NUP214: variants seen among roughly 807,000 people sequenced by gnomAD.
NUP214 encodes nucleoporin 214, also known as nuclear pore complex protein Nup214.
NUP214 carries 79 observed loss-of-function variants against 196.2 expected under a neutral mutation model. That is an observed-to-expected ratio of 0.40 (90% CI 0.34 to 0.49). The LOEUF is 0.49. NUP214 is among the 20% of genes least tolerant of loss of function. The pLI, the probability that NUP214 is intolerant of heterozygous loss-of-function variation, is 0.58. For synonymous variants in NUP214, 1,020 were observed against 990.5 expected, an observed-to-expected ratio of 1.03 and a Z score of -0.56; for missense variants, 2,468 against 2,539.0, an observed-to-expected ratio of 0.97 and a Z score of 0.60.
chr9:131,206,539 G>A (rs1432812237), intron 30 of NUP214, among the ~76,000 whole-genome samples: 1 of 151,806 alleles, frequency 6.6e-6, no homozygotes, highest in African/African-American at 2.4e-5. Context: ...TGATCTCCTG[G>A]GCTCAAGCAG....
At chr9:131,187,172 C>T in intron 24 of NUP214, 117 bp from the exon 25 acceptor site, 1 of 777,706 alleles carries the variant, frequency 1.3e-6, no homozygotes, top group Non-Finnish European at 2.2e-6. Context: ...GGGTCCCATG[C>T]ATCTGTATCC....
At position 131,132,623 on chromosome 9, in the gene NUP214, T is replaced by A. The variant is rs1430340345; in HGVS notation, c.691T>A (p.Cys231Ser). The change falls in exon 6 of 36, where the codon TGT (cysteine) becomes AGT (serine). Residue 231 changes from cysteine (C) to serine (S), a missense_variant. By Grantham distance (112) the Cys-to-Ser change is moderately radical. Coordinates refer to ENST00000359428, the MANE Select transcript of NUP214 (RefSeq NM_005085.4). ...PTLQEKKVIPCPPFYESDHPV... is the reference protein window; with the variant it reads ...PTLQEKKVIPSPPFYESDHPV... ...TTTGCAGGAAAAAAAAGTCATTCCT[T>A]GTCCTCCGTTTTATGAGTCAGATCA... 6.2e-7 allele frequency: 1 copy of A among 1,614,186 alleles called. No homozygotes were observed. Among genetic ancestry groups the A allele is most frequent in the South Asian group, 1.1e-5 (1 of 91,088 alleles).
chr9:131,199,051 C>G (rs373498118), intron 29 of NUP214, 36 bp downstream of exon 29: 10 of 1,542,244 alleles, frequency 6.5e-6, no homozygotes, highest in African/African-American at 1.4e-5. Context: ...TTGTTTCCCT[C>G]TCTGCTATTT....
At chr9:131,190,664 C>A in intron 26 of NUP214, 1 of 513,918 alleles carries the variant, frequency 1.9e-6, no homozygotes, top group Non-Finnish European at 3.4e-6. Context: ...CTATTACATG[C>A]CCAGAAAAAG....
chr9:131,192,111 C>A, intron 26 of NUP214, 97 bp from the exon 27 acceptor site: 1 of 810,500 alleles, frequency 1.2e-6, no homozygotes, highest in Non-Finnish European at 1.8e-6. Context: ...CAGCACCTCA[C>A]AGGCTGAGCT....
chr9:131,148,587 T>C (rs562989693), intron 14 of NUP214, among the ~76,000 whole-genome samples: 1 of 152,378 alleles, frequency 6.6e-6, no homozygotes, highest in Non-Finnish European at 1.5e-5. Context: ...CTCTTGGTAT[T>C]TTTCATCTTT....
intron 7 of NUP214, 95 bp downstream of exon 7, chr9:131,133,304 GTT>G (rs751108620): frequency 0.026 from 10,829 of 412,828 alleles, no homozygotes; most frequent in Middle Eastern, 0.038. Flanking sequence ...TTGTGTTTGT[GTT>G]TTTTTTTTTT....
chr9:131,198,471 G>C lies in NUP214; in HGVS notation c.4977G>C (p.Gln1659His), dbSNP rs1359714983. The C allele has an allele frequency of 6.8e-6, 11 of 1,614,022 alleles. No homozygotes were observed. The highest frequency in any genetic ancestry group is 9.3e-6 in the Non-Finnish European group (11 of 1,180,042). The change falls in exon 29 of 36, where the codon CAG (glutamine) becomes CAC (histidine). Residue 1659 changes from glutamine to histidine, a missense_variant. Around this residue, in one of 5 missense-constraint regions of NUP214, gnomAD observed 1,801 missense variants for 1,779.4 expected, o/e 1.01. Coordinates refer to ENST00000359428, the MANE Select transcript of NUP214 (RefSeq NM_005085.4). ...CCAGTTCTAGCTCAGCTTTCAACCAGCTCACCAACAACACAGCCACTGCCC... is the reference window on the plus strand; with the variant it reads ...CCAGTTCTAGCTCAGCTTTCAACCACCTCACCAACAACACAGCCACTGCCC... ...PAASSSSAFN[Q>H]LTNNTATAPS...
chr9:131,139,554 C>T (rs353541), intron 10 of NUP214, 147 bp downstream of exon 10: 1,198,169 of 1,206,398 alleles, frequency 0.99, 595,449 homozygotes, highest in East Asian at 1. Flanking sequence ...AGAGTGATAA[C>T]AGGCTGCGTT....
intron 24 of NUP214, among the ~76,000 whole-genome samples, chr9:131,186,725 C>T (rs572342805): frequency 6.6e-6 from 1 of 152,260 alleles, no homozygotes; most frequent in East Asian, 1.9e-4. Context: ...GCTCTTTCTG[C>T]GAATAGGGGT....
intron 21 of NUP214, among the ~76,000 whole-genome samples, chr9:131,173,498 C>T (rs1321964848): frequency 6.6e-6 from 1 of 151,294 alleles, no homozygotes. Flanking sequence ...TCCCAAAGTG[C>T]TGGGATTATA....
chr9:131,216,535 T>C (rs1480086609), intron 31 of NUP214, among the ~76,000 whole-genome samples: 1 of 143,358 alleles, frequency 7.0e-6, no homozygotes, highest in Non-Finnish European at 1.5e-5. Flanking sequence ...CTTTTTTTTT[T>C]TTTTTCCTTT....
At chr9:131,174,731 G>C (rs551147036) in intron 22 of NUP214, among the ~76,000 whole-genome samples, 1 of 152,102 alleles carries the variant, frequency 6.6e-6, no homozygotes, top group Non-Finnish European at 1.5e-5. Context: ...TAGGATTACA[G>C]GCATGAGCCA....
rs192192637 is a variant in NUP214 at position 131,231,393 on chromosome 9, G to A, written c.6214+624G>A. Among the ~76,000 whole-genome samples the A allele has an allele frequency of 2.8e-3, 427 of 152,134 alleles. 12 individuals are homozygous for A. The highest frequency in any genetic ancestry group is 4.9e-4 in the Non-Finnish European group (33 of 68,004). ...TTTTTAGTAGAGATGGGGTTTCACT[G>A]TGTTAGCCAGGATGGTCTCCATCTC... On this transcript the variant is annotated intron_variant, in intron 34 of 35. Transcript: ENST00000359428.
Position 131,234,387 on chromosome 9 carries a change from G to T in NUP214, c.*900G>T. On this transcript the variant is annotated 3_prime_UTR_variant, in exon 36 of 36. Coordinates refer to ENST00000359428, the MANE Select transcript of NUP214 (RefSeq NM_005085.4). Reference sequence around the variant, plus strand: ...ATTTGACAACAGTGTTTGCTAGGACGGCCCAGAGCTCATCACTGCAGTTTT... The same window carrying T: ...ATTTGACAACAGTGTTTGCTAGGACTGCCCAGAGCTCATCACTGCAGTTTT... The T allele has an allele frequency of 4.3e-6, 1 of 232,704 alleles. No homozygotes were observed. The highest frequency in any genetic ancestry group is 8.5e-6 in the Non-Finnish European group (1 of 117,752). The allele number at this position is 232,704 out of a possible 1,614,324, so 14.4% of individuals were successfully genotyped here.
chr9:131,222,863 C>T lies in NUP214; in HGVS notation c.5835C>T (p.Gly1945=). ...SSSFGEQKPT[G]TFSSGGGSVA... is the part of the protein sequence containing the mutation. ...CGTTTGGAGAGCAGAAACCCACTGGCACTTTCAGCTCTGGAGGAGGAAGTG... is the reference window on the plus strand; with the variant it reads ...CGTTTGGAGAGCAGAAACCCACTGGTACTTTCAGCTCTGGAGGAGGAAGTG... Residue 1945 remains glycine, a synonymous_variant, in exon 32 of 36, where the codon GGC becomes GGT. Coordinates refer to ENST00000359428, the MANE Select transcript of NUP214 (RefSeq NM_005085.4). 6.2e-7 allele frequency: 1 copy of T among 1,614,232 alleles called. No homozygotes were observed. The highest frequency in any genetic ancestry group is 1.7e-5 in the Admixed American group (1 of 60,030).
At position 131,163,108 on chromosome 9, in the gene NUP214, C is replaced by T. The variant is rs1460655010; in HGVS notation, c.2658C>T (p.Arg886=). The stretch of plus-strand genomic sequence containing the variant: ...TGGTGGATAGTCTTCAGCAGCTCCG[C>T]CTTTACAAACAGACTTCCCTGTGGA... ...NHLVDSLQQL[R]LYKQTSLWSL... Residue 886 remains arginine (R), a synonymous_variant, in exon 19 of 36, where the codon CGC becomes CGT. Coordinates refer to ENST00000359428, the MANE Select transcript of NUP214 (RefSeq NM_005085.4). The T allele has an allele frequency of 2.5e-6, 4 of 1,614,192 alleles. No homozygotes were observed. The highest frequency in any genetic ancestry group is 1.7e-6 in the Non-Finnish European group (2 of 1,180,016).
rs1834952242 is a variant in NUP214 at position 131,234,097 on chromosome 9, G to A, written c.*610G>A. On this transcript the variant is annotated 3_prime_UTR_variant, in exon 36 of 36. Coordinates refer to ENST00000359428, the MANE Select transcript of NUP214 (RefSeq NM_005085.4). ...CGCTTTTCAGTACAGTACAATAGTA[G>A]CCAGCGTGAGGCAGGACAGTGCTGC... 1 of 235,478 alleles carries A rather than the reference G, an allele frequency of 4.2e-6. No homozygotes were observed. Among genetic ancestry groups the A allele is most frequent in the Non-Finnish European group, 8.4e-6 (1 of 119,592 alleles). 14.6% of individuals were successfully genotyped at this position (235,478 alleles called of 1,614,324 possible).
chr9:131,130,940 A>G, intron 5 of NUP214, 104 bp downstream of exon 5: 1 of 794,230 alleles, frequency 1.3e-6, no homozygotes, highest in Non-Finnish European at 2.1e-6. Context: ...AGTAATTTAT[A>G]CTCATTGTAA....
Sources: gnomAD v4.1 joint callset for allele counts (sites outside exome capture counted in the v4.1 genomes callset) on GRCh38, gnomAD v4.1.1 for gene constraint, gnomAD v4.1.1 regional missense constraint, MANE v1.5 for transcripts, NCBI Gene and HGNC (gene_info 2026-07-23, HGNC 2026-07-21) for gene names.